Variants in DLG2 observed in about 807,000 individuals in gnomAD.
DLG2 encodes the protein disks large homolog 2.
A neutral mutation model predicts 132.5 loss-of-function variants in DLG2; 45 were observed. The observed-to-expected ratio is 0.34, with a 90% CI of 0.27 to 0.44. The LOEUF is 0.44. DLG2 is among the 20% of genes least tolerant of loss of function. The pLI, the probability that DLG2 is intolerant of heterozygous loss-of-function variation, is 1.00. For missense variants in DLG2, 1,045 were observed against 1,196.9 expected (o/e 0.87, Z 1.87); for synonymous variants, 424 against 419.6 (o/e 1.01, Z -0.13).
chr11:85,469,660 CA>C (rs1275232944), intron 3 of DLG2: 1 of 152,194 alleles, frequency 6.6e-6, no homozygotes, highest in Non-Finnish European at 1.5e-5. Flanking sequence ...GATTCGCATA[CA>C]AGGTTTGTAG....
At chr11:84,533,562 G>A (rs1412757665) in intron 7 of DLG2, among the ~76,000 whole-genome samples, 1 of 152,114 alleles carries the variant, frequency 6.6e-6, no homozygotes, top group Non-Finnish European at 1.5e-5. Context: ...ATACCAATAT[G>A]TTTGAAATGT....
At chr11:84,578,807 CA>C (rs913219188) in intron 6 of DLG2, among the ~76,000 whole-genome samples, 2 of 152,000 alleles carry the variant, frequency 1.3e-5, no homozygotes, top group African/African-American at 2.4e-5. Flanking sequence ...TTTGAGGGGC[CA>C]GGGGTAGAAT....
intron 6 of DLG2, among the ~76,000 whole-genome samples, chr11:84,596,625 TA>T (rs1227422642): frequency 6.6e-6 from 1 of 152,124 alleles, no homozygotes; most frequent in Non-Finnish European, 1.5e-5. Context: ...CTAGATGGAC[TA>T]TGCAGCATTT....
intron 3 of DLG2, among the ~76,000 whole-genome samples, chr11:85,391,398 C>T (rs1231137209): frequency 6.6e-6 from 1 of 151,968 alleles, no homozygotes; most frequent in Non-Finnish European, 1.5e-5. Flanking sequence ...GGTACTATTC[C>T]AAAAGATAAA....
chr11:83,811,364 G>A (rs1482996324), intron 17 of DLG2, among the ~76,000 whole-genome samples: 4 of 152,052 alleles, frequency 2.6e-5, no homozygotes, highest in Non-Finnish European at 5.9e-5. Context: ...CTATGCAAGA[G>A]TCTGTATTAG....
chr11:84,166,680 T>C (rs1426899212), intron 8 of DLG2: 1 of 273,178 alleles, frequency 3.7e-6, no homozygotes, highest in African/African-American at 2.2e-5. Flanking sequence ...GGTTGCTTAC[T>C]GAGTGATGAA....
chr11:84,368,318 A>G lies in DLG2; in HGVS notation c.520-117027T>C, dbSNP rs558751786. On this transcript the variant is annotated intron_variant, in intron 7 of 27. Coordinates refer to ENST00000376104, the MANE Select transcript of DLG2 (RefSeq NM_001142699.3). ...AGCATATCACAACTTTCTACCTCAC[A>G]TTCTTATAATTCTCTCATCTTCTTA... 4.6e-5 allele frequency among the ~76,000 whole-genome samples: 7 copies of G among 152,158 alleles called. No homozygotes were observed. The South Asian group carries it at 1.5e-3, about 32-fold the overall frequency.
intron 6 of DLG2, among the ~76,000 whole-genome samples, chr11:84,754,814 A>C (rs962967847): frequency 1.3e-5 from 2 of 152,188 alleles, no homozygotes; most frequent in Non-Finnish European, 2.9e-5. Context: ...GTCAAGGTAG[A>C]TTACTCAATT....
In DLG2 at chr11:85,032,967, G is replaced by C. The variant is rs1024490445; in HGVS notation, c.357+78694C>G. On this transcript the variant is annotated intron_variant, in intron 6 of 27. Transcript: ENST00000376104. ...CATGTCCTACCAAACATGCCAATAAGTGAGACAAGAAAACGTCCTAAACTT... is the reference window on the plus strand; with the variant it reads ...CATGTCCTACCAAACATGCCAATAACTGAGACAAGAAAACGTCCTAAACTT... 2.0e-5 allele frequency among the ~76,000 whole-genome samples: 3 copies of C among 152,280 alleles called. No homozygotes were observed. In the South Asian group the frequency reaches 6.2e-4, roughly 32 times the overall value.
At chr11:85,613,512 G>A (rs1013199130) in intron 2 of DLG2, among the ~76,000 whole-genome samples, 2 of 152,190 alleles carry the variant, frequency 1.3e-5, no homozygotes, top group African/African-American at 4.8e-5. Flanking sequence ...GGGACTTGGA[G>A]AACTTTTCTG....
chr11:84,382,867 G>A (rs1236574624), intron 7 of DLG2, among the ~76,000 whole-genome samples: 1 of 138,882 alleles, frequency 7.2e-6, no homozygotes, highest in Non-Finnish European at 1.5e-5. Context: ...GCGAGACTCC[G>A]TCACAAAAAA....
chr11:85,264,923 T>G (rs2077127869), intron 4 of DLG2, among the ~76,000 whole-genome samples: 1 of 152,210 alleles, frequency 6.6e-6, no homozygotes, highest in South Asian at 2.1e-4. Flanking sequence ...AGGTTCTTAT[T>G]AATCTGATCC....
rs570532700 is a variant in DLG2, at chr11:84,009,097, G to A, written c.920-28455C>T. On this transcript the variant is annotated intron_variant, in intron 11 of 27. Coordinates refer to ENST00000376104, the MANE Select transcript of DLG2 (RefSeq NM_001142699.3). ...TTGCTGCTGTTTTCTTTTTGTATCA[G>A]CATCTTAGATTTTTGATTCCTCTAG... 2.0e-5 allele frequency among the ~76,000 whole-genome samples: 3 copies of A among 151,832 alleles called. No individual in the cohort carries two copies. The East Asian group carries it at 5.8e-4, about 29-fold the overall frequency.
chr11:84,730,044 A>C (rs1024719627), intron 6 of DLG2, among the ~76,000 whole-genome samples: 2 of 152,010 alleles, frequency 1.3e-5, no homozygotes, highest in Non-Finnish European at 2.9e-5. Flanking sequence ...ATTTTGAAAA[A>C]GCAACTCCGA....
Position 85,590,651 on chromosome 11 carries a change from C to CTA in DLG2, c.40+8004_40+8005dup, listed in dbSNP as rs67069486. 9.2e-4 allele frequency among the ~76,000 whole-genome samples: 137 copies of CTA among 148,848 alleles called. 1 individual carries two copies. Among genetic ancestry groups the CTA allele is most frequent in the Middle Eastern group, 3.4e-3 (1 of 290 alleles). The stretch of plus-strand genomic sequence containing the variant: ...TTTTATATTCTCTCTCTCTCTCTCT[C>CTA]TATATATATATATATAAATTCCCTG... On this transcript the variant is annotated intron_variant, in intron 3 of 27. Coordinates refer to ENST00000376104, the MANE Select transcript of DLG2 (RefSeq NM_001142699.3).
At chr11:83,761,379 C>T (rs1025188506) in intron 18 of DLG2, among the ~76,000 whole-genome samples, 2 of 152,176 alleles carry the variant, frequency 1.3e-5, no homozygotes, top group African/African-American at 2.4e-5. Context: ...TAATTCACTT[C>T]GAGTTCTATT....
intron 21 of DLG2, among the ~76,000 whole-genome samples, chr11:83,486,836 G>GACTT (rs1366809159): frequency 2.5e-4 from 38 of 152,178 alleles, no homozygotes; most frequent in Middle Eastern, 6.8e-3. Flanking sequence ...CACATTCACA[G>GACTT]ACTTAAAAGT....
At chr11:83,561,151 A>G (rs1002318721) in intron 19 of DLG2, among the ~76,000 whole-genome samples, 1 of 152,108 alleles carries the variant, frequency 6.6e-6, no homozygotes, top group Non-Finnish European at 1.5e-5. Context: ...ATTGTGCTAA[A>G]CCATTCACAA....
intron 3 of DLG2, among the ~76,000 whole-genome samples, chr11:85,397,714 A>G (rs2087551765): frequency 6.6e-6 from 1 of 152,254 alleles, no homozygotes; most frequent in South Asian, 2.1e-4. Context: ...GGATCAATTC[A>G]GCAAGAGGAG....
Sources: gnomAD v4.1 joint callset for allele counts (sites outside exome capture counted in the v4.1 genomes callset) on GRCh38, gnomAD v4.1.1 for gene constraint, MANE v1.5 for transcripts, NCBI Gene and HGNC (gene_info 2026-07-23, HGNC 2026-07-21) for gene names.